The following MSN variants were observed in gnomAD, a reference collection of about 807,000 sequenced individuals.
The protein encoded by MSN is epididymis luminal protein 70.
MSN carries 2 observed loss-of-function variants against 48.0 expected under a neutral mutation model. That is an observed-to-expected ratio of 0.04 (90% confidence interval 0.02 to 0.13). The LOEUF is 0.13. Among genes scored for constraint, MSN ranks in the 10% least tolerant of loss-of-function variants. MSN has a pLI of 1.00. For missense variants in MSN, 267 were observed against 470.1 expected, an observed-to-expected ratio of 0.57 and a Z score of 3.99; for synonymous variants, 146 against 166.9, an observed-to-expected ratio of 0.87 and a Z score of 0.97.
intron 1 of MSN, among the ~76,000 whole-genome samples, chrX:65,686,562 T>G (rs1299233503): frequency 2.7e-5 from 3 of 112,755 alleles, no homozygotes; most frequent in Admixed American, 1.9e-4. Flanking sequence ...TTTAAATAAT[T>G]TTTTGGGCTA....
chrX:65,658,205 G>T (rs761073901), intron 1 of MSN, among the ~76,000 whole-genome samples: 7 of 111,496 alleles, frequency 6.3e-5, no homozygotes, highest in Non-Finnish European at 9.4e-5. Flanking sequence ...TTTTCCTTAG[G>T]GGAGACAACA....
intron 1 of MSN, among the ~76,000 whole-genome samples, chrX:65,673,459 C>CT (rs535119692): frequency 0.014 from 1,424 of 99,524 alleles, 20 homozygotes; most frequent in African/African-American, 0.043. Flanking sequence ...TGGGGTACAG[C>CT]TTTTTTTTTT....
intron 1 of MSN, among the ~76,000 whole-genome samples, chrX:65,680,429 G>T (rs2071043347): frequency 8.9e-6 from 1 of 112,215 alleles, no homozygotes; most frequent in South Asian, 3.7e-4. Flanking sequence ...TAATGGCCAT[G>T]TAAAATTCTA....
At chrX:65,668,168 A>C (rs1381783892) in intron 1 of MSN, among the ~76,000 whole-genome samples, 1 of 112,707 alleles carries the variant, frequency 8.9e-6, no homozygotes, top group Non-Finnish European at 1.9e-5. Flanking sequence ...CTGATGGGCC[A>C]TGGGCACAGA....
Position 65,624,240 on chromosome X carries a change from G to A in MSN, c.-22+35628G>A, listed in dbSNP as rs143713318. Among the ~76,000 whole-genome samples the A allele has an allele frequency of 6.4e-3, 696 of 108,818 alleles. 27 individuals carry two copies. The highest frequency in any genetic ancestry group is 0.021 in the African/African-American group (618 of 29,386). The allele number at this position is 108,818 out of a possible 115,157, so 94.5% of individuals were successfully genotyped here. On this transcript the variant is annotated intron_variant, in intron 1 of 3. Coordinates refer to the MSN transcript ENST00000609672. ...ATTACAGGCATGCACCACCACACCC[G>A]GCTAATTTTGTATTTTTAATAGAGA...
intron 1 of MSN, among the ~76,000 whole-genome samples, chrX:65,702,998 A>C (rs1196151345): frequency 8.9e-6 from 1 of 112,086 alleles, no homozygotes; most frequent in African/African-American, 3.2e-5. Context: ...ATGGTTTCAC[A>C]TTGTCTTGCC....
At position 65,658,867 on chromosome X, in the gene MSN, C is replaced by T. The variant is rs761535987; in HGVS notation, c.-21-57951C>T. On this transcript the variant is annotated intron_variant, in intron 1 of 3. Coordinates refer to the MSN transcript ENST00000609672. Reference sequence around the variant, plus strand: ...TCTTTTCTTTCTTTTTTTTTTGAGACGAAGTCTTGCTCTGTCACCCAGGCT... The same window carrying T: ...TCTTTTCTTTCTTTTTTTTTTGAGATGAAGTCTTGCTCTGTCACCCAGGCT... 1.3e-4 allele frequency among the ~76,000 whole-genome samples: 14 copies of T among 106,888 alleles called. No homozygotes were observed. In the South Asian group the frequency reaches 2.8e-3, roughly 22 times the overall value. The allele number at this position is 106,888 out of a possible 115,157, so 92.8% of individuals were successfully genotyped here.
chrX:65,661,341 G>A (rs1297593569), intron 1 of MSN, among the ~76,000 whole-genome samples: 2 of 111,751 alleles, frequency 1.8e-5, no homozygotes, highest in Non-Finnish European at 3.8e-5. Flanking sequence ...GAATTGTATT[G>A]AAAACTTTTT....
At chrX:65,698,628 G>A (rs1273363329) in intron 1 of MSN, among the ~76,000 whole-genome samples, 1 of 112,195 alleles carries the variant, frequency 8.9e-6, no homozygotes, top group Non-Finnish European at 1.9e-5. Context: ...GTGGGGAAAA[G>A]AGGATGTAGC....
intron 1 of MSN, among the ~76,000 whole-genome samples, chrX:65,706,452 GC>G (rs1175231756): frequency 8.9e-6 from 1 of 111,793 alleles, no homozygotes; most frequent in Non-Finnish European, 1.9e-5. Context: ...TGAAAGCCCA[GC>G]AGGGGTGGCC....
At chrX:65,667,572 C>A, upstream of MSN, 1 of 840,313 alleles carries the variant, frequency 1.2e-6, no homozygotes, top group Non-Finnish European at 1.5e-6. Context: ...GCAAGGCCAG[C>A]GGTCGGCGGG....
intron 1 of MSN, among the ~76,000 whole-genome samples, chrX:65,599,032 A>G: frequency 9.0e-6 from 1 of 111,474 alleles, no homozygotes; most frequent in Non-Finnish European, 1.9e-5. Flanking sequence ...CACGCCGGTA[A>G]TCCCGGCACT....
At chrX:65,674,421 C>G (rs925163949) in intron 1 of MSN, among the ~76,000 whole-genome samples, 11 of 111,574 alleles carry the variant, frequency 9.9e-5, no homozygotes, top group Non-Finnish European at 1.7e-4. Context: ...TTCCAGAGAA[C>G]TGGCTCTGTG....
chrX:65,716,687 C>A, intron 1 of MSN, 131 bp from the exon 2 acceptor site: 1 of 520,663 alleles, frequency 1.9e-6, no homozygotes. Flanking sequence ...CCTTCATCCC[C>A]ATCAGTATCT....
chrX:65,615,696 G>A (rs765348887), intron 1 of MSN, among the ~76,000 whole-genome samples: 20,449 of 104,094 alleles, frequency 0.2, 5,932 homozygotes, highest in African/African-American at 0.74. Flanking sequence ...CTGTGCAGAA[G>A]CTCTTTAGTT....
At chrX:65,728,515 G>A (rs865812219) in intron 3 of MSN, among the ~76,000 whole-genome samples, 1 of 110,227 alleles carries the variant, frequency 9.1e-6, no homozygotes, top group Non-Finnish European at 1.9e-5. Flanking sequence ...GGATGGTCTC[G>A]ATCTCCTGAC....
At chrX:65,708,990 C>CATGGAA (rs900507910) in intron 1 of MSN, among the ~76,000 whole-genome samples, 3 of 112,315 alleles carry the variant, frequency 2.7e-5, no homozygotes, top group African/African-American at 9.7e-5. Context: ...GCCAGGATTT[C>CATGGAA]ATTTTTTATG....
chrX:65,736,040 C>G (rs1479668464), intron 8 of MSN, among the ~76,000 whole-genome samples: 2 of 111,821 alleles, frequency 1.8e-5, no homozygotes, highest in African/African-American at 6.5e-5. Context: ...GAAAAAGAAG[C>G]CTAGAGCTGG....
chrX:65,734,569 G>A (rs1569468483), intron 7 of MSN, among the ~76,000 whole-genome samples: 1 of 111,452 alleles, frequency 9.0e-6, no homozygotes, highest in Non-Finnish European at 1.9e-5. Context: ...TGGTGACTTC[G>A]GTCCAGTGGT....
Sources: gnomAD v4.1 joint callset for allele counts (sites outside exome capture counted in the v4.1 genomes callset) on GRCh38, gnomAD v4.1.1 for gene constraint, MANE v1.5 for transcripts, NCBI Gene and HGNC (gene_info 2026-07-23, HGNC 2026-07-21) for gene names.